The following NFILZ variants were observed in gnomAD, a reference collection of about 807,000 sequenced individuals.
The protein encoded by NFILZ is NFIL3 like basic leucine zipper.
In NFILZ at chr19:8,659,529, C is replaced by T. The variant is rs548142207; in HGVS notation, c.-163-15022C>T. Among the ~76,000 whole-genome samples the T allele has an allele frequency of 6.6e-5, 10 of 152,172 alleles. No homozygotes were observed. In the East Asian group the frequency reaches 7.7e-4, roughly 12 times the overall value. On this transcript the variant is annotated intron_variant, in intron 3 of 5. Coordinates refer to ENST00000691075, the MANE Select transcript of NFILZ (RefSeq NM_001378600.1). ...GTGTGGCTGGAGTAGGGTCAGGATA[C>T]GCTCCATCTGGATCTCCCAGGCCCT...
intron 3 of NFILZ, among the ~76,000 whole-genome samples, chr19:8,653,043 TCTCTCTCTCTCTC>T (rs2042975848): frequency 2.5e-3 from 173 of 69,174 alleles, no homozygotes; most frequent in African/African-American, 4.5e-3. Flanking sequence ...TTTCTTTCTC[TCTCTCTCTCTCTC>T]TCTCTCTCTC....
At chr19:8,670,020 A>C (rs1305353215) in intron 3 of NFILZ, among the ~76,000 whole-genome samples, 1 of 152,120 alleles carries the variant, frequency 6.6e-6, no homozygotes, top group Non-Finnish European at 1.5e-5. Flanking sequence ...GAATTCTAGC[A>C]GGGATGGGTC....
intron 3 of NFILZ, among the ~76,000 whole-genome samples, chr19:8,656,368 TTCTCCCTGAAGCCCAC>T (rs2042997640): frequency 6.9e-6 from 1 of 145,784 alleles, no homozygotes; most frequent in Non-Finnish European, 1.5e-5. Flanking sequence ...GAAGCCCACC[TTCTCCCTGAAGCCCAC>T]CTTCTCCCGC....
At chr19:8,635,211 G>A (rs556212646) in intron 2 of NFILZ, among the ~76,000 whole-genome samples, 64 of 151,362 alleles carry the variant, frequency 4.2e-4, no homozygotes, top group African/African-American at 1.6e-3. Flanking sequence ...TCAGGAGGCT[G>A]AGGCAGGAGA....
chr19:8,634,460 T>G (rs545846320), intron 2 of NFILZ, among the ~76,000 whole-genome samples: 129 of 152,346 alleles, frequency 8.5e-4, no homozygotes, highest in African/African-American at 3.0e-3. Context: ...TAATTTTTAT[T>G]TTTTGTAGAG....
At chr19:8,648,171 C>CAAAAAAAAAA (rs56776806) in intron 3 of NFILZ, among the ~76,000 whole-genome samples, 1 of 68,536 alleles carries the variant, frequency 1.5e-5, no homozygotes, top group Non-Finnish European at 2.6e-5. Context: ...GACTCCGTCT[C>CAAAAAAAAAA]AAAAAAAAAA....
At chr19:8,639,804 A>T (rs1415014758) in intron 3 of NFILZ, among the ~76,000 whole-genome samples, 1 of 152,074 alleles carries the variant, frequency 6.6e-6, no homozygotes, top group South Asian at 2.1e-4. Context: ...TTATTTTTAT[A>T]TGCGGTAGGC....
chr19:8,648,504 T>C (rs1480450275), intron 3 of NFILZ, among the ~76,000 whole-genome samples: 2 of 152,068 alleles, frequency 1.3e-5, no homozygotes, highest in East Asian at 3.9e-4. Context: ...TTTTACATTA[T>C]GTATATATTA....
At chr19:8,647,777 ATGCGCGCGCGCGCGCGCG>A (rs1437761428) in intron 3 of NFILZ, among the ~76,000 whole-genome samples, 8 of 66,410 alleles carry the variant, frequency 1.2e-4, no homozygotes, top group South Asian at 6.1e-4. Flanking sequence ...ACACGCACAC[ATGCGCGCGCGCGCGCGCG>A]CACACACACA....
At chr19:8,666,153 G>T (rs1028359571) in intron 3 of NFILZ, among the ~76,000 whole-genome samples, 1 of 152,012 alleles carries the variant, frequency 6.6e-6, no homozygotes, top group Admixed American at 6.6e-5. Context: ...AAAAAAGAGG[G>T]TTGGCAAACC....
chr19:8,678,198 TA>T lies in NFILZ; in HGVS notation c.*564del, dbSNP rs2043127660. 4.9e-5 allele frequency among the ~76,000 whole-genome samples: 1 copy of T among 20,370 alleles called. No individual in the cohort carries two copies. Among genetic ancestry groups the T allele is most frequent in the African/African-American group, 2.1e-4 (1 of 4,656 alleles). 13.4% of individuals were successfully genotyped at this position (20,370 alleles called of 152,430 possible). The stretch of plus-strand genomic sequence containing the variant: ...CCATCCATCCATCCATCCGTCCATC[TA>T]TCCATCCATCCATTCATCCATCCGT... On this transcript the variant is annotated 3_prime_UTR_variant, in exon 6 of 6. Coordinates refer to ENST00000691075, the MANE Select transcript of NFILZ (RefSeq NM_001378600.1).
chr19:8,671,279 C>T (rs1450984510), intron 3 of NFILZ, among the ~76,000 whole-genome samples: 3 of 152,114 alleles, frequency 2.0e-5, no homozygotes, highest in Admixed American at 6.6e-5. Flanking sequence ...CGCCACCCTC[C>T]GTTAGCACTT....
intron 2 of NFILZ, among the ~76,000 whole-genome samples, chr19:8,633,066 G>C (rs1396470756): frequency 7.5e-6 from 1 of 132,842 alleles, no homozygotes; most frequent in Admixed American, 8.9e-5. Flanking sequence ...TGTCACTCAG[G>C]CTGGAGTGCA....
At position 8,656,356 on chromosome 19, in the gene NFILZ, CT is replaced by C. The variant is rs1187764800; in HGVS notation, c.-163-18194del. On this transcript the variant is annotated intron_variant, in intron 3 of 5. Transcript: ENST00000691075. ...CTTCTTCCTGAAGCCCACCTCTTCC[CT>C]GAAGCCCACCTTCTCCCTGAAGCCC... Among the ~76,000 whole-genome samples the C allele has an allele frequency of 1.1e-4, 16 of 145,728 alleles. 1 individual carries two copies. Among genetic ancestry groups the C allele is most frequent in the African/African-American group, 2.7e-4 (10 of 36,976 alleles).
At chr19:8,642,510 G>A (rs983775345) in intron 3 of NFILZ, among the ~76,000 whole-genome samples, 7 of 152,114 alleles carry the variant, frequency 4.6e-5, no homozygotes, top group Non-Finnish European at 7.4e-5. Flanking sequence ...TTCTTCTGTC[G>A]GTCTTGCTTG....
At chr19:8,676,480 G>A (rs782582971) in intron 5 of NFILZ, among the ~76,000 whole-genome samples, 24 bp downstream of exon 5, 1 of 152,202 alleles carries the variant, frequency 6.6e-6, no homozygotes, top group Non-Finnish European at 1.5e-5. Context: ...CCCTGGAAGA[G>A]CATGTGTCCT....
rs142828759 is a variant in NFILZ, at chr19:8,640,861, A to G, written c.-164+5115A>G. 1.6e-4 allele frequency among the ~76,000 whole-genome samples: 25 copies of G among 152,294 alleles called. No individual in the cohort carries two copies. In the East Asian group the frequency reaches 4.4e-3, roughly 27 times the overall value. Reference sequence around the variant, plus strand: ...CCTTGGGCAGGTCGTGCTGTATGGGATAAGCCCAGAACTGGTTTAGTTCTG... The same window carrying G: ...CCTTGGGCAGGTCGTGCTGTATGGGGTAAGCCCAGAACTGGTTTAGTTCTG... On this transcript the variant is annotated intron_variant, in intron 3 of 5. Transcript: ENST00000691075.
chr19:8,668,955 T>C (rs916042302), intron 3 of NFILZ, among the ~76,000 whole-genome samples: 1 of 152,060 alleles, frequency 6.6e-6, no homozygotes, highest in Non-Finnish European at 1.5e-5. Context: ...AGGATTCTTT[T>C]ATTTTTTGAG....
intron 3 of NFILZ, among the ~76,000 whole-genome samples, chr19:8,644,507 A>G (rs1890908577): frequency 6.6e-6 from 1 of 151,380 alleles, no homozygotes; most frequent in Non-Finnish European, 1.5e-5. Flanking sequence ...TCTGTTGCCC[A>G]GGCTGATTGC....
Sources: allele counts gnomAD v4.1 joint callset (sites outside exome capture counted in the v4.1 genomes callset), GRCh38; gene constraint gnomAD v4.1.1; transcripts MANE v1.5; gene names NCBI Gene and HGNC (gene_info 2026-07-23, HGNC 2026-07-21).